The following EIF4G3 variants were observed in gnomAD, a reference collection of about 807,000 sequenced individuals.
The protein encoded by EIF4G3 is eukaryotic translation initiation factor 4 gamma 3, also known as eIF-4-gamma 3.
Under a neutral mutation model 186.4 loss-of-function variants are expected in EIF4G3, and 34 were observed. The observed-to-expected ratio is 0.18, with a 90% CI of 0.14 to 0.24. The LOEUF is 0.24. EIF4G3 is among the 10% of genes least tolerant of loss of function. The pLI is 1.00. For synonymous variants in EIF4G3, 673 were observed against 679.5 expected, an observed-to-expected ratio of 0.99 and a Z score of 0.15; for missense variants, 1,536 against 1,948.5, an observed-to-expected ratio of 0.79 and a Z score of 3.99.
chr1:20,896,435 C>CA (rs201025308), intron 16 of EIF4G3, among the ~76,000 whole-genome samples: 2,702 of 53,902 alleles, frequency 0.05, 78 homozygotes, highest in East Asian at 0.22. Context: ...GATTCTATCT[C>CA]AAAAAAAAAA....
At chr1:20,940,416 C>T (rs779460112) in intron 14 of EIF4G3, among the ~76,000 whole-genome samples, 3 of 152,176 alleles carry the variant, frequency 2.0e-5, no homozygotes, top group Non-Finnish European at 4.4e-5. Context: ...ACACCTCTTA[C>T]AGACACTGAT....
At chr1:21,155,178 G>A (rs1015137397) in intron 2 of EIF4G3, among the ~76,000 whole-genome samples, 1 of 142,286 alleles carries the variant, frequency 7.0e-6, no homozygotes, top group Non-Finnish European at 1.5e-5. Context: ...CAGGAGAATC[G>A]CTTGAACCCA....
intron 2 of EIF4G3, among the ~76,000 whole-genome samples, chr1:21,096,398 G>A (rs1390281091): frequency 6.6e-6 from 1 of 152,196 alleles, no homozygotes; most frequent in Admixed American, 6.5e-5. Flanking sequence ...GTAGGGGGAT[G>A]ATGAGAAATT....
chr1:20,857,326 TTGTGTGTGTG>T, intron 25 of EIF4G3, 67 bp downstream of exon 25: 1 of 1,108,334 alleles, frequency 9.0e-7, no homozygotes, highest in South Asian at 1.3e-5. Context: ...CTATTGTAAA[TTGTGTGTGTG>T]TGTGTGTGTT....
intron 25 of EIF4G3, among the ~76,000 whole-genome samples, chr1:20,855,732 C>T (rs1178875338): frequency 1.3e-5 from 2 of 152,146 alleles, no homozygotes; most frequent in Admixed American, 6.5e-5. Flanking sequence ...GGTCTGACAG[C>T]TCATAATATA....
chr1:21,129,373 C>T (rs2097110427), intron 2 of EIF4G3, among the ~76,000 whole-genome samples: 1 of 151,948 alleles, frequency 6.6e-6, no homozygotes, highest in Non-Finnish European at 1.5e-5. Context: ...TGTGGACTGG[C>T]ATATCAGTTT....
chr1:20,846,399 A>C (rs1387942229), intron 29 of EIF4G3, among the ~76,000 whole-genome samples: 2 of 152,140 alleles, frequency 1.3e-5, no homozygotes, highest in Non-Finnish European at 2.9e-5. Context: ...TTATACTCAC[A>C]GTGTCATAGC....
At chr1:21,058,560 T>C (rs1159708469) in intron 3 of EIF4G3, among the ~76,000 whole-genome samples, 2 of 151,822 alleles carry the variant, frequency 1.3e-5, no homozygotes, top group Non-Finnish European at 2.9e-5. Flanking sequence ...CGGGTCTCAC[T>C]GTGTTGCCCA....
chr1:21,152,976 A>T (rs2097576336), intron 2 of EIF4G3, among the ~76,000 whole-genome samples: 1 of 152,332 alleles, frequency 6.6e-6, no homozygotes, highest in Non-Finnish European at 1.5e-5. Context: ...CCAGCCTGGG[A>T]AACAAAGGAA....
chr1:21,036,718 A>G (rs926940546), intron 4 of EIF4G3, among the ~76,000 whole-genome samples: 1 of 151,930 alleles, frequency 6.6e-6, no homozygotes, highest in Non-Finnish European at 1.5e-5. Context: ...CGTCTCTACA[A>G]AAAAATACAA....
At chr1:20,994,134 C>T (rs550129421) in intron 7 of EIF4G3, among the ~76,000 whole-genome samples, 2 of 152,294 alleles carry the variant, frequency 1.3e-5, no homozygotes, top group East Asian at 3.9e-4. Flanking sequence ...GCATTTAAAG[C>T]CCAAACGATG....
intron 4 of EIF4G3, among the ~76,000 whole-genome samples, chr1:21,034,296 T>C (rs999424880): frequency 5.3e-5 from 8 of 152,216 alleles, no homozygotes; most frequent in Non-Finnish European, 1.0e-4. Context: ...TCTTACTTAA[T>C]TGTAACTTTT....
intron 4 of EIF4G3, among the ~76,000 whole-genome samples, chr1:21,016,614 G>A (rs752823974): frequency 5.9e-4 from 90 of 151,892 alleles, no homozygotes; most frequent in African/African-American, 2.7e-4. Context: ...AGCCATGATC[G>A]CGTCACTGCA....
chr1:20,929,193 G>A, intron 14 of EIF4G3, among the ~76,000 whole-genome samples: 1 of 152,046 alleles, frequency 6.6e-6, no homozygotes, highest in East Asian at 1.9e-4. Flanking sequence ...ATTCTTCTGA[G>A]CTTTCTTTGC....
At chr1:21,044,072 C>CA (rs2093735416) in intron 4 of EIF4G3, among the ~76,000 whole-genome samples, 1 of 152,250 alleles carries the variant, frequency 6.6e-6, no homozygotes, top group African/African-American at 2.4e-5. Context: ...AAAAGCCTAC[C>CA]ATGATTCTTT....
At chr1:20,960,706 C>A (rs1196347654) in intron 12 of EIF4G3, among the ~76,000 whole-genome samples, 2 of 152,122 alleles carry the variant, frequency 1.3e-5, no homozygotes, top group African/African-American at 4.8e-5. Context: ...CTGCAGTGAG[C>A]TGTGACTGTG....
At chr1:21,171,656 T>G (rs181977449) in intron 2 of EIF4G3, among the ~76,000 whole-genome samples, 1 of 152,126 alleles carries the variant, frequency 6.6e-6, no homozygotes, top group Non-Finnish European at 1.5e-5. Flanking sequence ...AAATCCCTCC[T>G]CTCCACTTGC....
chr1:20,893,566 G>A lies in EIF4G3; in HGVS notation c.2204C>T (p.Pro735Leu). 1.2e-6 allele frequency: 2 copies of A among 1,601,118 alleles called. No homozygotes were observed. Among genetic ancestry groups the A allele is most frequent in the East Asian group, 2.2e-5 (1 of 44,594 alleles). Residue 735 changes from proline to leucine, a missense_variant, in exon 18 of 37, where the codon CCA (proline) becomes CTA (leucine). This residue lies in a region of EIF4G3 where 139 missense variants were observed against 192.8 expected (regional missense o/e 0.72). Coordinates refer to ENST00000602326, the MANE Select transcript of EIF4G3 (RefSeq NM_001391906.1). ...RILPRGPDFT[P>L]AFADFGRQTP... ...CTGCCTTCCAAAATCAGCAAAGGCT[G>A]GTGTAAAGTCTGGTCCTCGAGGCAA...
chr1:20,857,264 T>G (rs1405494369), intron 25 of EIF4G3, 139 bp downstream of exon 25: 1 of 691,938 alleles, frequency 1.4e-6, no homozygotes, highest in African/African-American at 1.8e-5. Context: ...CCCCATGGAT[T>G]TGCAATATTG....
Sources: allele counts gnomAD v4.1 joint callset (sites outside exome capture counted in the v4.1 genomes callset), GRCh38; gene constraint gnomAD v4.1.1; regional missense constraint gnomAD v4.1.1; transcripts MANE v1.5; gene names NCBI Gene and HGNC (gene_info 2026-07-23, HGNC 2026-07-21).